The following PLEKHM3 variants were observed in gnomAD, a reference collection of about 807,000 sequenced individuals.
PLEKHM3 encodes the protein pleckstrin homology domain containing M3.
In PLEKHM3, 45 loss-of-function variants were observed where a neutral mutation model predicts 81.8. The ratio of observed to expected loss-of-function variants is 0.55; its 90% CI spans 0.43 to 0.71. The LOEUF is 0.71. Ranked by LOEUF, PLEKHM3 falls within the 30% of genes least tolerant of loss-of-function variation. The pLI is 0.00. For synonymous variants in PLEKHM3, 352 were observed against 356.4 expected, an observed-to-expected ratio of 0.99 and a Z score of 0.14; for missense variants, 788 against 924.3, an observed-to-expected ratio of 0.85 and a Z score of 1.91.
At chr2:207,991,625 G>T (rs1436141924) in intron 2 of PLEKHM3, among the ~76,000 whole-genome samples, 1 of 152,124 alleles carries the variant, frequency 6.6e-6, no homozygotes, top group Non-Finnish European at 1.5e-5. Context: ...CAGAAGAGAT[G>T]CCCTGCTCTC....
At chr2:207,830,973 T>G (rs900775055) in intron 7 of PLEKHM3, among the ~76,000 whole-genome samples, 1 of 152,214 alleles carries the variant, frequency 6.6e-6, no homozygotes, top group East Asian at 1.9e-4. Flanking sequence ...CACGTCGCCT[T>G]TCTGAGCTTC....
Position 207,821,687 on chromosome 2 carries a change from G to A in PLEKHM3, c.*6632C>T, listed in dbSNP as rs1365967746. ...TTGCAGAAGTTTTTTACATCACCAC[G>A]TTCAATACTCTCCATTTGCAACCTA... On this transcript the variant is annotated 3_prime_UTR_variant, in exon 8 of 8. Transcript: ENST00000427836. 2 of 151,674 alleles carry A rather than the reference G, an allele frequency of 1.3e-5. No individual in the cohort carries two copies. The highest frequency in any genetic ancestry group is 2.4e-5 in the African/African-American group (1 of 41,300). 9.4% of individuals were successfully genotyped at this position (151,674 alleles called of 1,614,324 possible). A position where few individuals can be genotyped will look rare whatever the true frequency, so the allele number is the denominator to read the frequency against.
intron 6 of PLEKHM3, chr2:207,900,464 T>G (rs1397961082): frequency 6.6e-6 from 1 of 152,156 alleles, no homozygotes; most frequent in East Asian, 1.9e-4. Flanking sequence ...GGAACACAGA[T>G]CTCACTACTG....
intron 6 of PLEKHM3, among the ~76,000 whole-genome samples, chr2:207,867,680 C>T (rs2092508722): frequency 6.6e-6 from 1 of 152,010 alleles, no homozygotes; most frequent in African/African-American, 2.4e-5. Flanking sequence ...ATAATACATA[C>T]ATAAATGCAT....
In PLEKHM3 at chr2:207,931,467, T is replaced by C. The variant is rs958829057; in HGVS notation, c.1693-348A>G. On this transcript the variant is annotated intron_variant, in intron 4 of 7. Coordinates refer to ENST00000427836, the MANE Select transcript of PLEKHM3 (RefSeq NM_001080475.3). Reference sequence around the variant, plus strand: ...GATATTGGACCTTAGTTGCCTAAGATGTAGCCAAGGGAGGAAACTGTGAAA... The same window carrying C: ...GATATTGGACCTTAGTTGCCTAAGACGTAGCCAAGGGAGGAAACTGTGAAA... 2.6e-5 allele frequency among the ~76,000 whole-genome samples: 4 copies of C among 152,232 alleles called. No individual in the cohort carries two copies. In the East Asian group the frequency reaches 5.8e-4, roughly 22 times the overall value.
chr2:207,993,433 G>A (rs1003286008), intron 2 of PLEKHM3, among the ~76,000 whole-genome samples: 1 of 151,670 alleles, frequency 6.6e-6, no homozygotes, highest in Non-Finnish European at 1.5e-5. Flanking sequence ...CACCTCTACT[G>A]GCTCCAAGGC....
At chr2:207,943,463 G>A (rs1472461603) in intron 4 of PLEKHM3, among the ~76,000 whole-genome samples, 1 of 152,196 alleles carries the variant, frequency 6.6e-6, no homozygotes, top group Non-Finnish European at 1.5e-5. Flanking sequence ...TATTATGTGT[G>A]TAAGATGCAG....
chr2:207,930,991 C>T lies in PLEKHM3; in HGVS notation c.1821G>A (p.Arg607=). The change falls in exon 5 of 8, where the codon CGG becomes CGA. Residue 607 remains arginine, a synonymous_variant. Coordinates refer to ENST00000427836, the MANE Select transcript of PLEKHM3 (RefSeq NM_001080475.3). The stretch of plus-strand genomic sequence containing the variant: ...ACAAATAGGCTCGGAGCGACTTCAG[C>T]CGCTGCCGCAGCCGCAGCACGGCGG... ...PLAAVLRLRQ[R]LKSLRAYLFS... 5 of 1,613,784 alleles carry T rather than the reference C, an allele frequency of 3.1e-6. No individual in the cohort carries two copies. The highest frequency in any genetic ancestry group is 3.4e-6 in the Non-Finnish European group (4 of 1,179,750).
chr2:207,968,306 G>C (rs1416916239), intron 3 of PLEKHM3, among the ~76,000 whole-genome samples: 1 of 151,942 alleles, frequency 6.6e-6, no homozygotes, highest in Non-Finnish European at 1.5e-5. Context: ...TTTTATCTTT[G>C]ATAGATGGTA....
chr2:207,863,702 G>A (rs2092480595), intron 6 of PLEKHM3, among the ~76,000 whole-genome samples: 1 of 152,048 alleles, frequency 6.6e-6, no homozygotes, highest in Non-Finnish European at 1.5e-5. Context: ...AAGCAGCCGT[G>A]GGCTGTGGGC....
chr2:207,860,350 C>T (rs190381838), intron 7 of PLEKHM3, among the ~76,000 whole-genome samples: 1 of 152,260 alleles, frequency 6.6e-6, no homozygotes, highest in Admixed American at 6.5e-5. Flanking sequence ...ACCCTACATG[C>T]TTCAACTCTC....
intron 7 of PLEKHM3, among the ~76,000 whole-genome samples, chr2:207,836,985 CGGCTTTG>C (rs886138190): frequency 6.6e-6 from 1 of 151,926 alleles, no homozygotes; most frequent in Non-Finnish European, 1.5e-5. Flanking sequence ...CATGTGAGTG[CGGCTTTG>C]CGTATGGCTA....
chr2:207,909,370 T>C (rs992026544), intron 5 of PLEKHM3, among the ~76,000 whole-genome samples: 2 of 152,214 alleles, frequency 1.3e-5, no homozygotes, highest in Admixed American at 6.5e-5. Flanking sequence ...ACAAAATCCA[T>C]GATACTAACA....
Position 207,852,769 on chromosome 2 carries a change from A to G in PLEKHM3, c.2108+8336T>C, listed in dbSNP as rs573955586. 26 of 442,858 alleles carry G rather than the reference A, an allele frequency of 5.9e-5. 2 individuals are homozygous for G. The highest frequency in any genetic ancestry group is 4.3e-4 in the South Asian group (26 of 60,774). 27.4% of individuals were successfully genotyped at this position (442,858 alleles called of 1,614,324 possible). A position where few individuals can be genotyped will look rare whatever the true frequency, so the allele number is the denominator to read the frequency against. The stretch of plus-strand genomic sequence containing the variant: ...GTTCACTATATAGGTGATGGGATCA[A>G]TGAAAACCCAAACCTCAGCATCAGG... On this transcript the variant is annotated intron_variant, in intron 7 of 7. Transcript: ENST00000427836.
intron 3 of PLEKHM3, among the ~76,000 whole-genome samples, chr2:207,950,472 G>C (rs555444742): frequency 3.2e-4 from 49 of 152,322 alleles, no homozygotes; most frequent in African/African-American, 1.1e-3. Context: ...GCAGACGTTT[G>C]TGAGAAATAT....
intron 2 of PLEKHM3, among the ~76,000 whole-genome samples, chr2:207,980,065 G>A (rs1691468789): frequency 6.6e-6 from 1 of 152,154 alleles, no homozygotes. Flanking sequence ...ACTGATGATA[G>A]TTCAATCTTT....
intron 7 of PLEKHM3, among the ~76,000 whole-genome samples, chr2:207,856,865 T>C (rs544519873): frequency 1.2e-4 from 18 of 152,324 alleles, no homozygotes; most frequent in Non-Finnish European, 7.4e-5. Context: ...CCAGGTATCT[T>C]TGTTATTGAT....
chr2:207,957,424 C>T (rs563691473), intron 3 of PLEKHM3, among the ~76,000 whole-genome samples: 3 of 152,296 alleles, frequency 2.0e-5, no homozygotes, highest in African/African-American at 4.8e-5. Flanking sequence ...GGTGGCTGGG[C>T]GCGGTGGCTC....
intron 2 of PLEKHM3, among the ~76,000 whole-genome samples, chr2:207,983,590 GAA>G (rs35041778): frequency 3.7e-4 from 54 of 145,364 alleles, no homozygotes; most frequent in Admixed American, 7.5e-4. Context: ...CCATGAAAAA[GAA>G]AAAAAAAAAA....
Sources: allele counts gnomAD v4.1 joint callset (sites outside exome capture counted in the v4.1 genomes callset), GRCh38; gene constraint gnomAD v4.1.1; transcripts MANE v1.5; gene names NCBI Gene and HGNC (gene_info 2026-07-23, HGNC 2026-07-21).